SLC39A8: variants seen among roughly 807,000 people sequenced by gnomAD.
SLC39A8 encodes solute carrier family 39 member 8.
SLC39A8 carries 15 observed loss-of-function variants against 40.4 expected under a neutral mutation model. That is an observed-to-expected ratio of 0.37 (90% CI 0.25 to 0.57). The LOEUF is 0.57. Among genes scored for constraint, SLC39A8 ranks in the 20% least tolerant of loss-of-function variants. The probability of loss-of-function intolerance (pLI) is 0.75; values close to 1 mark genes in which losing one functional copy is unlikely to be tolerated. For synonymous variants in SLC39A8, 223 were observed against 221.6 expected, an observed-to-expected ratio of 1.01 and a Z score of -0.06; for missense variants, 472 against 558.8, an observed-to-expected ratio of 0.84 and a Z score of 1.57.
chr4:102,287,702 T>A (rs2149021464), intron 6 of SLC39A8, among the ~76,000 whole-genome samples: 1 of 152,292 alleles, frequency 6.6e-6, no homozygotes, highest in African/African-American at 2.4e-5. Flanking sequence ...CAAATAAATA[T>A]GAATTTTTTC....
chr4:102,290,107 C>T (rs1054852447), intron 6 of SLC39A8, among the ~76,000 whole-genome samples: 3 of 148,882 alleles, frequency 2.0e-5, no homozygotes, highest in Non-Finnish European at 3.0e-5. Flanking sequence ...ACTTCAGCAA[C>T]CACCACCCTG....
intron 2 of SLC39A8, among the ~76,000 whole-genome samples, chr4:102,334,045 T>A (rs561621339): frequency 6.6e-6 from 1 of 152,264 alleles, no homozygotes; most frequent in South Asian, 2.1e-4. Context: ...GGTGGTTCCA[T>A]GTGACTTGGT....
chr4:102,336,595 G>A (rs1735683232), intron 2 of SLC39A8, among the ~76,000 whole-genome samples: 1 of 152,100 alleles, frequency 6.6e-6, no homozygotes, highest in Non-Finnish European at 1.5e-5. Context: ...GGCCTTGGAG[G>A]GCATAATGCT....
At position 102,262,575 on chromosome 4, in the gene SLC39A8, T is replaced by C; in HGVS notation, c.*469A>G. 4.1e-6 allele frequency: 4 copies of C among 985,406 alleles called. No homozygotes were observed. The highest frequency in any genetic ancestry group is 4.8e-6 in the Non-Finnish European group (4 of 829,736). 61.0% of individuals were successfully genotyped at this position (985,406 alleles called of 1,614,324 possible). A position where few individuals can be genotyped will look rare whatever the true frequency, so the allele number is the denominator to read the frequency against. ...TGGAATAATTTATATTAGTGTTGCA[T>C]ACATTTTACCTTCTACATTTTGATG... On this transcript the variant is annotated 3_prime_UTR_variant, in exon 9 of 9. Transcript: ENST00000356736.
chr4:102,268,044 C>A lies in SLC39A8; in HGVS notation c.876G>T (p.Leu292Phe). 1 of 1,614,196 alleles carries A rather than the reference C, an allele frequency of 6.2e-7. No individual in the cohort carries two copies. Among genetic ancestry groups the A allele is most frequent in the Non-Finnish European group, 8.5e-7 (1 of 1,180,026 alleles). The change falls in exon 7 of 9, where the codon TTG (leucine) becomes TTT (phenylalanine). Residue 292 changes from leucine to phenylalanine, a missense_variant. Transcript: ENST00000356736. ...GKKEPSSCTC[L>F]KGPKLSEIGT... ...CTATTTCTGACAGTTTGGGCCCCTT[C>A]AAACAGGTACATGAACTTGGCTCTT...
chr4:102,310,815 C>T (rs1266946315), intron 3 of SLC39A8, among the ~76,000 whole-genome samples: 1 of 152,054 alleles, frequency 6.6e-6, no homozygotes, highest in South Asian at 2.1e-4. Context: ...AGAGAGGGAC[C>T]AGTCTCCTTA....
At chr4:102,324,544 T>C (rs1560564438) in intron 2 of SLC39A8, among the ~76,000 whole-genome samples, 4 of 152,172 alleles carry the variant, frequency 2.6e-5, no homozygotes, top group Admixed American at 2.6e-4. Flanking sequence ...AAACCATTTT[T>C]GCAGTTGGCT....
chr4:102,288,555 A>T (rs761105046), intron 6 of SLC39A8, among the ~76,000 whole-genome samples: 31 of 152,188 alleles, frequency 2.0e-4, no homozygotes, highest in Non-Finnish European at 3.2e-4. Flanking sequence ...ACATGTCAAA[A>T]GCCAAGATAG....
chr4:102,329,915 T>C (rs907450163), intron 2 of SLC39A8, among the ~76,000 whole-genome samples: 25 of 152,190 alleles, frequency 1.6e-4, no homozygotes, highest in African/African-American at 5.3e-4. Context: ...CTGAACAACC[T>C]GCTCCTGACT....
Position 102,267,921 on chromosome 4 carries a change from T to A in SLC39A8, c.999A>T (p.Gly333=), listed in dbSNP as rs1732176333. ...GASCTLSLLQ[G]LSTSIAILCE... is the part of the protein sequence containing the mutation. ...ATAGGATTGCTATGGAAGTACTGAG[T>A]CCCTGAAGGAGAGACAAGGTGCAGG... The change falls in exon 7 of 9, where the codon GGA becomes GGT. Residue 333 remains glycine (G), a synonymous_variant. Coordinates refer to ENST00000356736, the MANE Select transcript of SLC39A8 (RefSeq NM_001135146.2). 3.1e-6 allele frequency: 5 copies of A among 1,613,958 alleles called. No homozygotes were observed. The highest frequency in any genetic ancestry group is 4.2e-6 in the Non-Finnish European group (5 of 1,180,032).
intron 2 of SLC39A8, among the ~76,000 whole-genome samples, chr4:102,327,538 CT>C (rs1275698446): frequency 6.6e-6 from 1 of 152,218 alleles, no homozygotes; most frequent in African/African-American, 2.4e-5. Flanking sequence ...CCTAATATTG[CT>C]ATACCCATCC....
chr4:102,341,579 G>C (rs1428052362), intron 2 of SLC39A8, among the ~76,000 whole-genome samples: 1 of 152,100 alleles, frequency 6.6e-6, no homozygotes, highest in African/African-American at 2.4e-5. Flanking sequence ...GGCTAAAAGG[G>C]CTCCCTCTTC....
exon 12 of SLC39A8, chr4:102,253,301 C>A: frequency 1.9e-6 from 1 of 539,784 alleles, no homozygotes; most frequent in South Asian, 3.1e-5. Flanking sequence ...AACTTCACAG[C>A]ACACACAGCA....
At chr4:102,306,133 A>T (rs1014877110) in intron 4 of SLC39A8, among the ~76,000 whole-genome samples, 14 of 152,028 alleles carry the variant, frequency 9.2e-5, no homozygotes, top group African/African-American at 3.4e-4. Context: ...AATTTGAGAG[A>T]TTATTACAAA....
At chr4:102,254,725 G>A (rs1250222217) in intron 11 of SLC39A8, among the ~76,000 whole-genome samples, 1 of 152,176 alleles carries the variant, frequency 6.6e-6, no homozygotes, top group Non-Finnish European at 1.5e-5. Flanking sequence ...TATCTATGAA[G>A]TCTGATTTTG....
At chr4:102,315,549 C>T (rs545377987) in intron 3 of SLC39A8, 119 bp downstream of exon 3, 48 of 764,130 alleles carry the variant, frequency 6.3e-5, no homozygotes, top group African/African-American at 1.1e-4. Flanking sequence ...AAGTATTATT[C>T]GAAGAAGTTC....
intron 6 of SLC39A8, among the ~76,000 whole-genome samples, chr4:102,300,068 G>A (rs1021542717): frequency 6.6e-6 from 1 of 151,960 alleles, no homozygotes; most frequent in East Asian, 1.9e-4. Context: ...AGCATCTTGT[G>A]CACCCCTCTT....
intron 2 of SLC39A8, among the ~76,000 whole-genome samples, chr4:102,343,921 C>A (rs556631595): frequency 7.9e-5 from 12 of 152,312 alleles, no homozygotes; most frequent in African/African-American, 2.4e-4. Flanking sequence ...AGTCTCAAGG[C>A]CGCCCCTGTT....
chr4:102,319,575 C>A (rs1483926423), intron 2 of SLC39A8, among the ~76,000 whole-genome samples: 1 of 152,070 alleles, frequency 6.6e-6, no homozygotes, highest in Non-Finnish European at 1.5e-5. Context: ...ACCAAAATCC[C>A]CCCTACCCTT....
Sources: gnomAD v4.1 joint callset for allele counts (sites outside exome capture counted in the v4.1 genomes callset) on GRCh38, gnomAD v4.1.1 for gene constraint, MANE v1.5 for transcripts, NCBI Gene and HGNC (gene_info 2026-07-23, HGNC 2026-07-21) for gene names.